PCDHA6: variants seen among roughly 807,000 people sequenced by gnomAD.
PCDHA6 encodes the protein protocadherin alpha-6.
Under a neutral mutation model 60.3 loss-of-function variants are expected in PCDHA6, and 55 were observed. That is an observed-to-expected ratio of 0.91 (90% CI 0.73 to 1.14). The LOEUF (loss-of-function observed/expected upper bound fraction) is 1.14. PCDHA6 is among the 50% of genes most tolerant of loss of function. PCDHA6 has a pLI of 0.00. For missense variants in PCDHA6, 1,327 were observed against 1,256.5 expected, an observed-to-expected ratio of 1.06 and a Z score of -0.85; for synonymous variants, 652 against 557.9, an observed-to-expected ratio of 1.17 and a Z score of -2.38.
In PCDHA6 at chr5:140,829,418, G is replaced by C; in HGVS notation, c.1327G>C (p.Val443Leu). The C allele has an allele frequency of 1.2e-6, 2 of 1,614,154 alleles. No individual in the cohort carries two copies. The highest frequency in any genetic ancestry group is 1.3e-5 in the African/African-American group (1 of 75,078). The part of the protein sequence containing the change: ...PSLWATASLS[V>L]EVADMNDNAP... ...GCTGTGGGCCACCGCCAGCTTGTCT[G>C]TGGAGGTGGCCGACATGAATGACAA... Residue 443 changes from valine to leucine, a missense_variant, in exon 1 of 4, where the codon GTG becomes CTG. Physicochemically the swap from Val to Leu is conservative, Grantham distance 32. Transcript: ENST00000529310.
chr5:140,856,185 G>C, intron 1 of PCDHA6: 1 of 1,598,160 alleles, frequency 6.3e-7, no homozygotes. Context: ...TTCGTGGGCC[G>C]CATCGCGCAG....
At chr5:141,000,238 G>T (rs111531743) in intron 3 of PCDHA6, among the ~76,000 whole-genome samples, 3 of 151,558 alleles carry the variant, frequency 2.0e-5, no homozygotes, top group African/African-American at 7.3e-5. Flanking sequence ...GCTGAATGTG[G>T]TGGCTGACAC....
At chr5:141,006,894 A>G (rs781832084) in intron 3 of PCDHA6, among the ~76,000 whole-genome samples, 6 of 152,212 alleles carry the variant, frequency 3.9e-5, no homozygotes, top group African/African-American at 7.2e-5. Context: ...TTGATTTCAG[A>G]TTTCTTCAGT....
chr5:140,828,252 T>A lies in PCDHA6; in HGVS notation c.161T>A (p.Leu54Gln). The A allele has an allele frequency of 6.2e-7, 1 of 1,613,980 alleles. No homozygotes were observed. Among genetic ancestry groups the A allele is most frequent in the Non-Finnish European group, 8.5e-7 (1 of 1,180,034 alleles). Residue 54 changes from leucine (L) to glutamine (Q), a missense_variant, in exon 1 of 4, where the codon CTG becomes CAG. Leu to Gln is a moderately radical substitution (Grantham distance 113, BLOSUM62 -2). Transcript: ENST00000529310. ...FVGRIAQDLGLELAELVPRLF... is the reference protein window; with the variant it reads ...FVGRIAQDLGQELAELVPRLF... Reference sequence around the variant, plus strand: ...GGCCGGATCGCGCAGGACCTGGGGCTGGAGCTGGCGGAGCTGGTGCCGCGC... The same window carrying A: ...GGCCGGATCGCGCAGGACCTGGGGCAGGAGCTGGCGGAGCTGGTGCCGCGC...
chr5:140,984,340 T>C (rs1224859959), intron 3 of PCDHA6, among the ~76,000 whole-genome samples: 1 of 152,242 alleles, frequency 6.6e-6, no homozygotes, highest in African/African-American at 2.4e-5. Flanking sequence ...ATAGGAACCA[T>C]GTATTGATAT....
At chr5:140,962,312 A>G (rs2095671896) in intron 1 of PCDHA6, among the ~76,000 whole-genome samples, 1 of 152,204 alleles carries the variant, frequency 6.6e-6, no homozygotes, top group African/African-American at 2.4e-5. Context: ...TTGTTAGGCC[A>G]TCTCAATTGA....
chr5:140,953,093 A>T (rs2153698233), intron 1 of PCDHA6, among the ~76,000 whole-genome samples: 1 of 152,346 alleles, frequency 6.6e-6, no homozygotes, highest in East Asian at 1.9e-4. Flanking sequence ...TTACAATTTG[A>T]CATGAGATTT....
chr5:140,909,601 C>G (rs1554193864), intron 1 of PCDHA6, among the ~76,000 whole-genome samples: 1 of 152,170 alleles, frequency 6.6e-6, no homozygotes, highest in Non-Finnish European at 1.5e-5. Context: ...TACTATTTTT[C>G]TAGGTAGAGG....
intron 1 of PCDHA6, among the ~76,000 whole-genome samples, chr5:140,921,352 T>C (rs889434892): frequency 6.6e-6 from 1 of 152,190 alleles, no homozygotes; most frequent in Non-Finnish European, 1.5e-5. Context: ...TATATTTGCC[T>C]ATATTCAAGT....
rs2150224433 is a variant in PCDHA6 at position 140,834,693 on chromosome 5, A to G, written c.2394+4208A>G. 2.5e-6 allele frequency: 4 copies of G among 1,614,238 alleles called. No homozygotes were observed. In the Admixed American group the frequency reaches 6.7e-5, roughly 27 times the overall value. ...GTGCGGGCGGAGCGCGGAGTGCAGC[A>G]TCCACCTGGAGGTGATCGTGGAAAG... On this transcript the variant is annotated intron_variant, in intron 1 of 3. Coordinates refer to ENST00000529310, the MANE Select transcript of PCDHA6 (RefSeq NM_018909.4).
rs2150375246 is a variant in PCDHA6, at chr5:140,844,933, C to T, written c.2394+14448C>T. Among the ~76,000 whole-genome samples the T allele has an allele frequency of 2.7e-5, 4 of 149,222 alleles. 1 individual carries two copies. Among genetic ancestry groups the T allele is most frequent in the Admixed American group, 6.7e-5 (1 of 14,882 alleles). ...GTAGAAATTGATGGAAGGGAATGAA[C>T]GATTTCTGGGACTCTGAATTCTTAC... On this transcript the variant is annotated intron_variant, in intron 1 of 3. Transcript: ENST00000529310.
chr5:140,944,209 A>T (rs1003348568), intron 1 of PCDHA6, among the ~76,000 whole-genome samples: 5 of 152,298 alleles, frequency 3.3e-5, no homozygotes, highest in Non-Finnish European at 5.9e-5. Flanking sequence ...TTGTTTTTAA[A>T]GAGGGTTTTA....
intron 1 of PCDHA6, among the ~76,000 whole-genome samples, chr5:140,931,244 T>C (rs1161128281): frequency 6.6e-6 from 1 of 152,168 alleles, no homozygotes; most frequent in Non-Finnish European, 1.5e-5. Context: ...ACACTTTTCC[T>C]ACCAAGAAAT....
chr5:140,856,008 G>A, intron 1 of PCDHA6: 1 of 1,542,308 alleles, frequency 6.5e-7, no homozygotes, highest in Middle Eastern at 1.7e-4. Flanking sequence ...GTGCGTTCTA[G>A]ACCGCTGATT....
In PCDHA6 at chr5:140,852,849, T is replaced by G. The variant is rs1421796229; in HGVS notation, c.2394+22364T>G. Reference sequence around the variant, plus strand: ...CAGTCTCCTTAGAGCTAGTACTTACTAAGCATTTACTATGTCATCAATAAT... The same window carrying G: ...CAGTCTCCTTAGAGCTAGTACTTACGAAGCATTTACTATGTCATCAATAAT... On this transcript the variant is annotated intron_variant, in intron 1 of 3. Transcript: ENST00000529310. 3.1e-6 allele frequency: 3 copies of G among 967,454 alleles called. 1 individual carries two copies. Among genetic ancestry groups the G allele is most frequent in the East Asian group, 1.1e-4 (1 of 8,764 alleles). 59.9% of individuals were successfully genotyped at this position (967,454 alleles called of 1,614,324 possible).
At chr5:140,871,861 T>C (rs1554165885) in intron 1 of PCDHA6, among the ~76,000 whole-genome samples, 1 of 152,272 alleles carries the variant, frequency 6.6e-6, no homozygotes, top group East Asian at 1.9e-4. Flanking sequence ...ATAATAACTA[T>C]GGATTATTTA....
intron 1 of PCDHA6, among the ~76,000 whole-genome samples, chr5:140,974,319 G>A (rs781949857): frequency 1.8e-4 from 27 of 152,198 alleles, no homozygotes; most frequent in Non-Finnish European, 3.5e-4. Flanking sequence ...TGAGAGAGTA[G>A]CTGCTGTGCT....
intron 1 of PCDHA6, among the ~76,000 whole-genome samples, chr5:140,925,206 G>A (rs576558414): frequency 1.3e-5 from 2 of 152,234 alleles, no homozygotes; most frequent in South Asian, 2.1e-4. Context: ...AATAATTATC[G>A]ATACTTTTAG....
intron 3 of PCDHA6, among the ~76,000 whole-genome samples, chr5:140,993,460 T>TCACACACACA (rs1554253699): frequency 5.7e-5 from 6 of 104,506 alleles, no homozygotes; most frequent in African/African-American, 7.8e-5. Flanking sequence ...CTTCTTTCTT[T>TCACACACACA]CTCACACACA....
Sources: gnomAD v4.1 joint callset for allele counts (sites outside exome capture counted in the v4.1 genomes callset) on GRCh38, gnomAD v4.1.1 for gene constraint, MANE v1.5 for transcripts, NCBI Gene and HGNC (gene_info 2026-07-23, HGNC 2026-07-21) for gene names.